YLPM1: variants seen among roughly 807,000 people sequenced by gnomAD.
YLPM1 encodes YLP motif-containing protein 1.
YLPM1 carries 99 observed loss-of-function variants against 230.0 expected under a neutral mutation model. The ratio of observed to expected loss-of-function variants is 0.43; its 90% CI spans 0.37 to 0.51. The LOEUF is 0.51. YLPM1 is among the 20% of genes least tolerant of loss of function. YLPM1 has a pLI of 0.00. For synonymous variants in YLPM1, 984 were observed against 942.5 expected (o/e 1.04, Z -0.81); for missense variants, 2,592 against 2,707.7 (o/e 0.96, Z 0.95).
intron 4 of YLPM1, among the ~76,000 whole-genome samples, chr14:74,791,863 A>G (rs1250972922): frequency 6.6e-6 from 1 of 152,160 alleles, no homozygotes; most frequent in Non-Finnish European, 1.5e-5. Context: ...AGGCATTCAC[A>G]ATTTTGTTAG....
At chr14:74,779,805 C>T (rs1031570271) in intron 2 of YLPM1, among the ~76,000 whole-genome samples, 2 of 148,630 alleles carry the variant, frequency 1.3e-5, no homozygotes, top group Non-Finnish European at 3.0e-5. Flanking sequence ...CTCCCCTCCC[C>T]TCCTTTTTTT....
At chr14:74,796,968 C>CT (rs3083626) in intron 4 of YLPM1, among the ~76,000 whole-genome samples, 10,268 of 88,602 alleles carry the variant, frequency 0.12, 2,008 homozygotes, top group African/African-American at 0.25. Context: ...TTTATAATTG[C>CT]TTTTTTTTTT....
intron 11 of YLPM1, among the ~76,000 whole-genome samples, chr14:74,814,319 C>T (rs1594838313): frequency 6.6e-6 from 1 of 152,180 alleles, no homozygotes; most frequent in Non-Finnish European, 1.5e-5. Flanking sequence ...CAAGATCGCG[C>T]CACTGCACTC....
chr14:74,776,826 G>A (rs987011561), intron 1 of YLPM1, among the ~76,000 whole-genome samples: 7 of 152,118 alleles, frequency 4.6e-5, no homozygotes, highest in Non-Finnish European at 7.4e-5. Flanking sequence ...ACTTTGGGAG[G>A]CCAAGGTGGA....
Position 74,816,965 on chromosome 14 carries a change from A to T in YLPM1, c.5720A>T (p.Glu1907Val). Reference protein sequence around the residue: ...MEYEYEAEMEETYRTSMFKTF... With the variant: ...MEYEYEAEMEVTYRTSMFKTF... ...TATGAATATGAAGCTGAGATGGAGG[A>T]GACTTACCGCACCAGCATGTTCAAA... The change falls in exon 14 of 21, where the codon GAG becomes GTG. Residue 1907 changes from glutamate to valine, a missense_variant. Coordinates refer to ENST00000325680, the MANE Select transcript of YLPM1 (RefSeq NM_019589.3). 6.3e-7 allele frequency: 1 copy of T among 1,596,828 alleles called. No homozygotes were observed.
chr14:74,805,637 C>A (rs2091370538), intron 6 of YLPM1, among the ~76,000 whole-genome samples: 1 of 152,076 alleles, frequency 6.6e-6, no homozygotes, highest in Non-Finnish European at 1.5e-5. Context: ...AGGTGTGAGC[C>A]CCTGCACCCA....
Position 74,781,687 on chromosome 14 carries a change from C to T in YLPM1, c.1644C>T (p.Pro548=), listed in dbSNP as rs929496360. The stretch of plus-strand genomic sequence containing the variant: ...CTTCATTGCCACCACCAGTGATGCC[C>T]CCTGCCCTCCCTGCTACAGTGCCAC... ...LPPSLPPPVM[P]PALPATVPPP... Residue 548 remains proline, a synonymous_variant, in exon 4 of 21, where the codon CCC becomes CCT. Transcript: ENST00000325680. 5 of 1,612,804 alleles carry T rather than the reference C, an allele frequency of 3.1e-6. No individual in the cohort carries two copies. Among genetic ancestry groups the T allele is most frequent in the Non-Finnish European group, 4.2e-6 (5 of 1,179,572 alleles).
At chr14:74,814,674 G>A (rs1487991589) in intron 11 of YLPM1, among the ~76,000 whole-genome samples, 1 of 152,156 alleles carries the variant, frequency 6.6e-6, no homozygotes, top group Non-Finnish European at 1.5e-5. Flanking sequence ...GAGGATTTTT[G>A]CATCCATATT....
chr14:74,831,339 T>C (rs1219574493), intron 19 of YLPM1, among the ~76,000 whole-genome samples: 1 of 152,134 alleles, frequency 6.6e-6, no homozygotes, highest in Non-Finnish European at 1.5e-5. Context: ...AAAGGATGGG[T>C]AAGGGAGAGC....
At chr14:74,796,428 G>A (rs1207399095) in intron 4 of YLPM1, among the ~76,000 whole-genome samples, 3 of 152,204 alleles carry the variant, frequency 2.0e-5, no homozygotes, top group Non-Finnish European at 4.4e-5. Context: ...AACTCATTCT[G>A]TCAGCTTGAT....
intron 19 of YLPM1, among the ~76,000 whole-genome samples, chr14:74,830,864 T>C (rs1196456127): frequency 6.6e-6 from 1 of 152,158 alleles, no homozygotes; most frequent in Non-Finnish European, 1.5e-5. Context: ...ACGAGGATCC[T>C]CCTCCATGAC....
intron 1 of YLPM1, among the ~76,000 whole-genome samples, chr14:74,773,105 G>A (rs2090995171): frequency 6.6e-6 from 1 of 152,104 alleles, no homozygotes; most frequent in East Asian, 1.9e-4. Flanking sequence ...GGCTAACATG[G>A]TGAAACCCCG....
intron 19 of YLPM1, among the ~76,000 whole-genome samples, chr14:74,831,532 A>G (rs1236618780): frequency 1.3e-5 from 2 of 152,248 alleles, no homozygotes; most frequent in Admixed American, 6.5e-5. Context: ...TCAGGTAACT[A>G]TCACTGTCTT....
intron 19 of YLPM1, among the ~76,000 whole-genome samples, chr14:74,831,232 T>A (rs1165801144): frequency 6.6e-6 from 1 of 152,240 alleles, no homozygotes; most frequent in Non-Finnish European, 1.5e-5. Flanking sequence ...ATGTGCTTAG[T>A]GTACTTAGTA....
At chr14:74,835,726 C>G (rs957487840) in intron 20 of YLPM1, 49 bp from the exon 21 acceptor site, 1 of 415,466 alleles carries the variant, frequency 2.4e-6, no homozygotes, top group Non-Finnish European at 4.6e-6. Context: ...GGCTACTGAA[C>G]TTTTTGCCTG....
chr14:74,800,547 A>T (rs1447866778), intron 5 of YLPM1, among the ~76,000 whole-genome samples: 1 of 152,238 alleles, frequency 6.6e-6, no homozygotes, highest in Non-Finnish European at 1.5e-5. Flanking sequence ...TCAATTAATG[A>T]TTAGGTTTTG....
intron 6 of YLPM1, among the ~76,000 whole-genome samples, chr14:74,807,640 G>A (rs1189747603): frequency 6.6e-6 from 1 of 152,212 alleles, no homozygotes; most frequent in Non-Finnish European, 1.5e-5. Context: ...AACTGGTGAT[G>A]CTTTGGGAAA....
At chr14:74,792,841 A>G (rs915994119) in intron 4 of YLPM1, among the ~76,000 whole-genome samples, 5 of 152,188 alleles carry the variant, frequency 3.3e-5, no homozygotes, top group Non-Finnish European at 7.3e-5. Context: ...GTTACCATTC[A>G]GTACCTCCAT....
intron 1 of YLPM1, among the ~76,000 whole-genome samples, chr14:74,769,335 C>T (rs570839008): frequency 8.9e-5 from 12 of 134,552 alleles, no homozygotes; most frequent in Admixed American, 1.7e-4. Context: ...TGCAATGGCA[C>T]GATCTCGGCT....
Sources: allele counts gnomAD v4.1 joint callset (sites outside exome capture counted in the v4.1 genomes callset), GRCh38; gene constraint gnomAD v4.1.1; transcripts MANE v1.5; gene names NCBI Gene and HGNC (gene_info 2026-07-23, HGNC 2026-07-21).